RABGAP1L: variants seen among roughly 807,000 people sequenced by gnomAD.
RABGAP1L encodes the protein RAB GTPase activating protein 1 like, also known as rab GTPase-activating protein 1-like.
In RABGAP1L, 63 loss-of-function variants were observed where a neutral mutation model predicts 137.7. The ratio of observed to expected loss-of-function variants is 0.46; its 90% CI spans 0.37 to 0.56. The LOEUF (loss-of-function observed/expected upper bound fraction) is 0.56. Among genes scored for constraint, RABGAP1L ranks in the 20% least tolerant of loss-of-function variants. The pLI is 0.00. For missense variants in RABGAP1L, 1,095 were observed against 1,244.0 expected, an observed-to-expected ratio of 0.88 and a Z score of 1.80; for synonymous variants, 431 against 433.7, an observed-to-expected ratio of 0.99 and a Z score of 0.08.
At chr1:174,697,176 C>G (rs906316247) in intron 15 of RABGAP1L, among the ~76,000 whole-genome samples, 17 of 152,198 alleles carry the variant, frequency 1.1e-4, no homozygotes, top group African/African-American at 4.1e-4. Context: ...GCACATAAAC[C>G]TTTTATTTGC....
intron 1 of RABGAP1L, among the ~76,000 whole-genome samples, chr1:174,195,687 T>A (rs1280699589): frequency 8.6e-6 from 1 of 116,922 alleles, no homozygotes; most frequent in Non-Finnish European, 1.7e-5. Flanking sequence ...TTTCCTTCTT[T>A]CCTTCTTTCC....
chr1:174,664,734 C>CTTTTTTTTTTTTTTTT (rs71701825), intron 14 of RABGAP1L, among the ~76,000 whole-genome samples: 3 of 97,574 alleles, frequency 3.1e-5, no homozygotes, highest in African/African-American at 5.2e-5. Context: ...TTTCTGCTTT[C>CTTTTTTTTTTTTTTTT]TTTTTTTTTT....
intron 19 of RABGAP1L, among the ~76,000 whole-genome samples, chr1:174,849,151 C>T (rs921591575): frequency 1.3e-5 from 2 of 152,240 alleles, no homozygotes; most frequent in African/African-American, 4.8e-5. Flanking sequence ...GAGATGAACC[C>T]GGTACCTCAG....
chr1:174,632,930 T>C (rs2148321270), intron 13 of RABGAP1L, among the ~76,000 whole-genome samples: 1 of 152,186 alleles, frequency 6.6e-6, no homozygotes, highest in East Asian at 1.9e-4. Flanking sequence ...GTTCCGTTGC[T>C]GGTGAGGAAC....
intron 10 of RABGAP1L, among the ~76,000 whole-genome samples, chr1:174,300,354 C>CG (rs1201731186): frequency 1.3e-5 from 2 of 151,634 alleles, no homozygotes; most frequent in Non-Finnish European, 2.9e-5. Flanking sequence ...GGAGAAACTC[C>CG]ATCTCTACTA....
intron 13 of RABGAP1L, among the ~76,000 whole-genome samples, chr1:174,479,982 A>G (rs934909272): frequency 1.9e-4 from 29 of 152,328 alleles, no homozygotes; most frequent in African/African-American, 7.0e-4. Context: ...TATAAAATAC[A>G]GAGTTGGTTC....
chr1:174,231,117 T>C, intron 3 of RABGAP1L, 28 bp from the exon 4 acceptor site: 1 of 1,536,638 alleles, frequency 6.5e-7, no homozygotes, highest in Non-Finnish European at 8.9e-7. Context: ...GCAATGACTT[T>C]TGAGTGTTTC....
chr1:174,859,094 T>C (rs1462701178), intron 19 of RABGAP1L, among the ~76,000 whole-genome samples: 1 of 152,172 alleles, frequency 6.6e-6, no homozygotes, highest in Non-Finnish European at 1.5e-5. Context: ...CATTCTGTTA[T>C]AAAGACACAT....
intron 13 of RABGAP1L, among the ~76,000 whole-genome samples, chr1:174,527,752 C>T (rs938144248): frequency 1.2e-4 from 18 of 152,008 alleles, no homozygotes; most frequent in African/African-American, 3.6e-4. Context: ...CTCCCACTAT[C>T]GTGTTGGAGC....
chr1:174,257,331 C>T (rs1214303101), intron 7 of RABGAP1L, among the ~76,000 whole-genome samples: 1 of 152,096 alleles, frequency 6.6e-6, no homozygotes, highest in Non-Finnish European at 1.5e-5. Flanking sequence ...TGAACTGTGC[C>T]TAAATGTAAA....
intron 15 of RABGAP1L, among the ~76,000 whole-genome samples, chr1:174,685,155 C>G (rs992491677): frequency 1.3e-5 from 2 of 151,982 alleles, no homozygotes; most frequent in Admixed American, 6.6e-5. Context: ...GCTTTGGAGA[C>G]TGGATGAATG....
At chr1:174,438,742 G>GTATA (rs1468934527) in intron 13 of RABGAP1L, among the ~76,000 whole-genome samples, 2 of 65,802 alleles carry the variant, frequency 3.0e-5, no homozygotes, top group African/African-American at 2.8e-4. Flanking sequence ...AAGTGTGTGT[G>GTATA]TGTATATATA....
At chr1:174,406,220 A>G (rs1649254718) in intron 13 of RABGAP1L, among the ~76,000 whole-genome samples, 1 of 152,066 alleles carries the variant, frequency 6.6e-6, no homozygotes. Flanking sequence ...TGTGAATTTG[A>G]GAAGTAACAG....
At position 174,903,333 on chromosome 1, in the gene RABGAP1L, A is replaced by G. The variant is rs60666416; in HGVS notation, c.2341-54124A>G. On this transcript the variant is annotated intron_variant, in intron 19 of 25. Transcript: ENST00000681986. The stretch of plus-strand genomic sequence containing the variant: ...ACAACTCTGGGTTTATGAAATGTGC[A>G]TCTGGTGAAATACATGAGCCTTTGT... Among the ~76,000 whole-genome samples the G allele has an allele frequency of 5.6e-3, 847 of 152,336 alleles. 11 individuals are homozygous for G. Among genetic ancestry groups the G allele is most frequent in the African/African-American group, 0.02 (812 of 41,582 alleles).
intron 13 of RABGAP1L, among the ~76,000 whole-genome samples, chr1:174,471,197 C>G (rs999748186): frequency 6.6e-6 from 1 of 151,978 alleles, no homozygotes; most frequent in Admixed American, 6.6e-5. Context: ...TATTACTTAC[C>G]CATCTTCTTA....
At chr1:174,280,033 A>C (rs1675355249) in intron 10 of RABGAP1L, among the ~76,000 whole-genome samples, 1 of 124,524 alleles carries the variant, frequency 8.0e-6, no homozygotes, top group Non-Finnish European at 1.7e-5. Flanking sequence ...AGTACTTTTG[A>C]CTGTCTGTCT....
At chr1:174,925,859 G>GTTTTTTTTTTTTTTTTTTTTTTTTTTT in intron 19 of RABGAP1L, among the ~76,000 whole-genome samples, 1 of 128,854 alleles carries the variant, frequency 7.8e-6, no homozygotes, top group Admixed American at 8.1e-5. Flanking sequence ...TTTGTTGTTG[G>GTTTTTTTTTTTTTTTTTTTTTTTTTTT]TTTTTTTTTT....
chr1:174,533,961 C>T (rs200576679), intron 13 of RABGAP1L, among the ~76,000 whole-genome samples: 2 of 152,108 alleles, frequency 1.3e-5, no homozygotes, highest in Admixed American at 6.6e-5. Flanking sequence ...CATGAGCTAC[C>T]GCGCCCAGCC....
At chr1:174,723,419 G>T (rs1467189655) in intron 17 of RABGAP1L, among the ~76,000 whole-genome samples, 1 of 152,174 alleles carries the variant, frequency 6.6e-6, no homozygotes. Context: ...GCAGTTTCCT[G>T]TGGTGCATCC....
Sources: gnomAD v4.1 joint callset for allele counts (sites outside exome capture counted in the v4.1 genomes callset) on GRCh38, gnomAD v4.1.1 for gene constraint, MANE v1.5 for transcripts, NCBI Gene and HGNC (gene_info 2026-07-23, HGNC 2026-07-21) for gene names.